The following KCNQ1OT1 variants were observed in gnomAD, a reference collection of about 807,000 sequenced individuals.
The protein encoded by KCNQ1OT1 is KCNQ1 antisense RNA 2 (non-protein coding).
Position 2,682,937 on chromosome 11 carries a change from G to A in KCNQ1OT1, n.17058C>T. On this transcript the variant is annotated non_coding_transcript_exon_variant, in exon 1 of 1. Coordinates refer to ENST00000597346, the Ensembl canonical transcript of KCNQ1OT1. This position sits in a 1 kb window ranked among gnomAD's most constrained non-coding sequence, Gnocchi z 5.8. ...CCTGGAGAGGTGCTCAGGTCTGTGTGGAAGAAAGGACAGGAGTCCTTCTGC... is the reference window on the plus strand; with the variant it reads ...CCTGGAGAGGTGCTCAGGTCTGTGTAGAAGAAAGGACAGGAGTCCTTCTGC... The A allele has an allele frequency of 2.5e-6, 1 of 398,574 alleles. No homozygotes were observed. The allele number at this position is 398,574 out of a possible 1,614,324, so 24.7% of individuals were successfully genotyped here. A position where few individuals can be genotyped will look rare whatever the true frequency, so the allele number is the denominator to read the frequency against.
At chr11:2,622,908 T>G (rs1028287828) in exon 1 of KCNQ1OT1, 1 of 398,528 alleles carries the variant, frequency 2.5e-6, no homozygotes. Context: ...TAGTTAACAT[T>G]AGGGCTCACT....
chr11:2,653,494 C>T lies in KCNQ1OT1; in HGVS notation n.46501G>A, dbSNP rs1422623778. 5.0e-6 allele frequency: 2 copies of T among 398,544 alleles called. No individual in the cohort carries two copies. The highest frequency in any genetic ancestry group is 2.1e-5 in the African/African-American group (1 of 48,594). 24.7% of individuals were successfully genotyped at this position (398,544 alleles called of 1,614,324 possible). On this transcript the variant is annotated non_coding_transcript_exon_variant, in exon 1 of 1. Coordinates refer to ENST00000597346, the Ensembl canonical transcript of KCNQ1OT1. This position sits in a 1 kb window ranked among gnomAD's most constrained non-coding sequence, Gnocchi z 5.3. ...CAGCTGTTTCAGACACAGCTGGACC[C>T]CAGAGCTGAGATGATCTTGCTCACT...
exon 1 of KCNQ1OT1, chr11:2,632,393 C>T (rs1849374990): frequency 2.5e-6 from 1 of 398,394 alleles, no homozygotes; most frequent in Non-Finnish European, 4.4e-6. Context: ...TAGAAAGCCA[C>T]TACTATGTTT....
chr11:2,620,239 G>A lies in KCNQ1OT1; in HGVS notation n.79756C>T, dbSNP rs951034798. ...TTTTTTTTTTATTTTTTTTTTAGAC[G>A]GAGTTTCGCTCTTGTTGCCCAGGCT... On this transcript the variant is annotated non_coding_transcript_exon_variant, in exon 1 of 1. Transcript: ENST00000597346. This position sits in a 1 kb window ranked among gnomAD's most constrained non-coding sequence, Gnocchi z 4.5. 6 of 238,384 alleles carry A rather than the reference G, an allele frequency of 2.5e-5. No individual in the cohort carries two copies. The highest frequency in any genetic ancestry group is 8.3e-5 in the East Asian group (1 of 12,054). The allele number at this position is 238,384 out of a possible 1,614,324, so 14.8% of individuals were successfully genotyped here.
rs1415517474 is a variant in KCNQ1OT1 at position 2,626,074 on chromosome 11, C to G, written n.73921G>C. The G allele has an allele frequency of 2.3e-5, 9 of 398,438 alleles. No homozygotes were observed. The highest frequency in any genetic ancestry group is 3.1e-5 in the Non-Finnish European group (7 of 226,054). 24.7% of individuals were successfully genotyped at this position (398,438 alleles called of 1,614,324 possible). ...TCTAGTTTTACTTTTATTGCCTGTG[C>G]AAGTACAATTTATCTATTTTTACTT... On this transcript the variant is annotated non_coding_transcript_exon_variant, in exon 1 of 1. Transcript: ENST00000597346. The surrounding 1 kb of genome is among the most constrained non-coding windows in gnomAD (Gnocchi z 4.0).
exon 1 of KCNQ1OT1, chr11:2,689,903 T>G (rs916477415): frequency 4.3e-5 from 17 of 398,718 alleles, no homozygotes; most frequent in Non-Finnish European, 7.5e-5. Context: ...GGTTCCCACC[T>G]GCTCCAACTT....
exon 1 of KCNQ1OT1, chr11:2,655,437 C>A (rs1849828719): frequency 5.0e-6 from 2 of 398,720 alleles, no homozygotes; most frequent in Non-Finnish European, 8.8e-6. Flanking sequence ...CCACTCTAGG[C>A]AGTTCAGCAA....
In KCNQ1OT1 at chr11:2,648,906, T is replaced by C. The variant is rs549705930; in HGVS notation, n.51089A>G. ...ACTCCAGTGTTGTTGGTTGCATATA[T>C]AATTGTTATATCTTCTTGCTGAATT... On this transcript the variant is annotated non_coding_transcript_exon_variant, in exon 1 of 1. Coordinates refer to ENST00000597346, the Ensembl canonical transcript of KCNQ1OT1. The C allele has an allele frequency of 7.5e-6, 3 of 398,360 alleles. No homozygotes were observed. In the East Asian group the frequency reaches 1.1e-4, roughly 14 times the overall value. The allele number at this position is 398,360 out of a possible 1,614,324, so 24.7% of individuals were successfully genotyped here.
rs7128307 is a variant in KCNQ1OT1, at chr11:2,620,773, A to T, written n.79222T>A. On this transcript the variant is annotated non_coding_transcript_exon_variant, in exon 1 of 1. Transcript: ENST00000597346. This position sits in a 1 kb window ranked among gnomAD's most constrained non-coding sequence, Gnocchi z 4.5. Reference sequence around the variant, plus strand: ...TATTTGAGAAAACTCCAAACTGCTTAGCACAGTGGCTGAACTAATTTGTAT... The same window carrying T: ...TATTTGAGAAAACTCCAAACTGCTTTGCACAGTGGCTGAACTAATTTGTAT... The T allele has an allele frequency of 0.22, 88,775 of 398,374 alleles. 12,192 individuals carry two copies. The highest frequency in any genetic ancestry group is 0.49 in the African/African-American group (23,829 of 48,624). The allele number at this position is 398,374 out of a possible 1,614,324, so 24.7% of individuals were successfully genotyped here. A position where few individuals can be genotyped will look rare whatever the true frequency, so the allele number is the denominator to read the frequency against.
At position 2,653,421 on chromosome 11, in the gene KCNQ1OT1, ACAAGCTTAAG is replaced by A. The variant is rs2133845687; in HGVS notation, n.46564_46573del. On this transcript the variant is annotated non_coding_transcript_exon_variant, in exon 1 of 1. Coordinates refer to ENST00000597346, the Ensembl canonical transcript of KCNQ1OT1. The surrounding 1 kb of genome is among the most constrained non-coding windows in gnomAD (Gnocchi z 5.3). ...AACAAATGATGGAACCCCAACTCAA[ACAAGCTTAAG>A]CACAAAAGGGACATTTTTTGGCTCA... is the stretch of plus-strand genomic sequence containing the variant. 2.5e-6 allele frequency: 1 copy of A among 398,674 alleles called. No individual in the cohort carries two copies. Among genetic ancestry groups the A allele is most frequent in the South Asian group, 1.3e-4 (1 of 7,858 alleles). 24.7% of individuals were successfully genotyped at this position (398,674 alleles called of 1,614,324 possible).
chr11:2,668,089 G>A lies in KCNQ1OT1; in HGVS notation n.31906C>T, dbSNP rs1028702480. On this transcript the variant is annotated non_coding_transcript_exon_variant, in exon 1 of 1. Coordinates refer to ENST00000597346, the Ensembl canonical transcript of KCNQ1OT1. This position sits in a 1 kb window ranked among gnomAD's most constrained non-coding sequence, Gnocchi z 4.3. ...GGAATGATGCAACTCATACACCTTTGTGTCCAATGTCCCTCACTCAATTTG... is the reference window on the plus strand; with the variant it reads ...GGAATGATGCAACTCATACACCTTTATGTCCAATGTCCCTCACTCAATTTG... The A allele has an allele frequency of 2.3e-5, 9 of 398,482 alleles. No homozygotes were observed. The highest frequency in any genetic ancestry group is 1.8e-5 in the Non-Finnish European group (4 of 226,096). The allele number at this position is 398,482 out of a possible 1,614,324, so 24.7% of individuals were successfully genotyped here. A position where few individuals can be genotyped will look rare whatever the true frequency, so the allele number is the denominator to read the frequency against.
rs535180664 is a variant in KCNQ1OT1 at position 2,626,071 on chromosome 11, G to A, written n.73924C>T. 2 of 398,540 alleles carry A rather than the reference G, an allele frequency of 5.0e-6. No homozygotes were observed. The highest frequency in any genetic ancestry group is 8.8e-6 in the Non-Finnish European group (2 of 226,050). 24.7% of individuals were successfully genotyped at this position (398,540 alleles called of 1,614,324 possible). A position where few individuals can be genotyped will look rare whatever the true frequency, so the allele number is the denominator to read the frequency against. On this transcript the variant is annotated non_coding_transcript_exon_variant, in exon 1 of 1. Transcript: ENST00000597346. The surrounding 1 kb of genome is among the most constrained non-coding windows in gnomAD (Gnocchi z 4.0). ...TTATCTAGTTTTACTTTTATTGCCTGTGCAAGTACAATTTATCTATTTTTA... is the reference window on the plus strand; with the variant it reads ...TTATCTAGTTTTACTTTTATTGCCTATGCAAGTACAATTTATCTATTTTTA...
At chr11:2,666,842 C>T in exon 1 of KCNQ1OT1, 1 of 398,684 alleles carries the variant, frequency 2.5e-6, no homozygotes, top group East Asian at 3.6e-5. Flanking sequence ...GAACCAGTGT[C>T]CAGAAGGATG....
chr11:2,654,251 C>T lies in KCNQ1OT1; in HGVS notation n.45744G>A, dbSNP rs952648063. 2.5e-6 allele frequency: 1 copy of T among 398,764 alleles called. No homozygotes were observed. Among genetic ancestry groups the T allele is most frequent in the Admixed American group, 4.4e-5 (1 of 22,732 alleles). The allele number at this position is 398,764 out of a possible 1,614,324, so 24.7% of individuals were successfully genotyped here. A position where few individuals can be genotyped will look rare whatever the true frequency, so the allele number is the denominator to read the frequency against. On this transcript the variant is annotated non_coding_transcript_exon_variant, in exon 1 of 1. Transcript: ENST00000597346. This position sits in a 1 kb window ranked among gnomAD's most constrained non-coding sequence, Gnocchi z 6.4. Reference sequence around the variant, plus strand: ...CGGATGCCCCTGGGGAGGGCTTCTCCTTCACAGTGCAGGATCCGCAGGGCT... The same window carrying T: ...CGGATGCCCCTGGGGAGGGCTTCTCTTTCACAGTGCAGGATCCGCAGGGCT...
In KCNQ1OT1 at chr11:2,628,101, G is replaced by A. The variant is rs1205081321; in HGVS notation, n.71894C>T. 1.0e-5 allele frequency: 4 copies of A among 398,496 alleles called. No homozygotes were observed. The East Asian group carries it at 1.1e-4, about 11-fold the overall frequency. 24.7% of individuals were successfully genotyped at this position (398,496 alleles called of 1,614,324 possible). ...TACTGTAACACTACAATGAACATGG[G>A]AGTGCAGATACCTCTTCAAGATACT... On this transcript the variant is annotated non_coding_transcript_exon_variant, in exon 1 of 1. Coordinates refer to ENST00000597346, the Ensembl canonical transcript of KCNQ1OT1.
rs1273126473 is a variant in KCNQ1OT1, at chr11:2,691,071, T to C, written n.8924A>G. ...GGGTGAGGGAAATAATGGAGGCACCTTTGTTCTAGATGCCTGCAGATTCCT... is the reference window on the plus strand; with the variant it reads ...GGGTGAGGGAAATAATGGAGGCACCCTTGTTCTAGATGCCTGCAGATTCCT... On this transcript the variant is annotated non_coding_transcript_exon_variant, in exon 1 of 1. Transcript: ENST00000597346. This position sits in a 1 kb window ranked among gnomAD's most constrained non-coding sequence, Gnocchi z 6.4. 2.5e-6 allele frequency: 1 copy of C among 398,654 alleles called. No individual in the cohort carries two copies. Among genetic ancestry groups the C allele is most frequent in the Non-Finnish European group, 4.4e-6 (1 of 226,090 alleles). The allele number at this position is 398,654 out of a possible 1,614,324, so 24.7% of individuals were successfully genotyped here.
chr11:2,697,201 C>A, exon 1 of KCNQ1OT1: 1 of 398,606 alleles, frequency 2.5e-6, no homozygotes, highest in Non-Finnish European at 4.4e-6. Context: ...GTTTTAACTT[C>A]TAAGATGGTA....
exon 1 of KCNQ1OT1, chr11:2,699,858 G>A (rs1850762751): frequency 5.0e-6 from 2 of 397,858 alleles, no homozygotes; most frequent in Non-Finnish European, 8.9e-6. Context: ...GGGCGCACCG[G>A]GAGAATCGTG....
chr11:2,689,332 C>T (rs1273985724), exon 1 of KCNQ1OT1: 2 of 398,508 alleles, frequency 5.0e-6, no homozygotes, highest in Admixed American at 4.4e-5. Flanking sequence ...TGCCCCTATC[C>T]GCAGAGCTTG....
Sources: gnomAD v4.1 joint callset for allele counts on GRCh38, gnomAD v4.1.1 for gene constraint, Gnocchi (gnomAD v3.1) non-coding constraint, MANE v1.5 for transcripts, NCBI Gene and HGNC (gene_info 2026-07-23, HGNC 2026-07-21) for gene names.